Variants in RAPGEF2 observed in about 807,000 individuals in gnomAD.
RAPGEF2 encodes Rap guanine nucleotide exchange factor 2, also known as PDZ domain containing guanine nucleotide exchange factor (GEF) 1.
In RAPGEF2, 54 loss-of-function variants were observed where a neutral mutation model predicts 186.7. The ratio of observed to expected loss-of-function variants is 0.29; its 90% CI spans 0.23 to 0.36. The LOEUF (loss-of-function observed/expected upper bound fraction) is 0.36, where lower values mean the gene tolerates loss of function less well. Among genes scored for constraint, RAPGEF2 ranks in the 10% least tolerant of loss-of-function variants. The pLI, the probability that RAPGEF2 is intolerant of heterozygous loss-of-function variation, is 1.00. For synonymous variants in RAPGEF2, 712 were observed against 705.9 expected (o/e 1.01, Z -0.14); for missense variants, 1,532 against 2,045.0 (o/e 0.75, Z 4.84).
intron 7 of RAPGEF2, among the ~76,000 whole-genome samples, chr4:159,303,564 C>G (rs1047990839): frequency 6.6e-6 from 1 of 151,476 alleles, no homozygotes; most frequent in African/African-American, 2.4e-5. Context: ...AACCTTACAT[C>G]TGTTTTCTTA....
intron 1 of RAPGEF2, among the ~76,000 whole-genome samples, chr4:159,173,692 A>C (rs1267347726): frequency 6.6e-6 from 1 of 152,144 alleles, no homozygotes; most frequent in African/African-American, 2.4e-5. Flanking sequence ...TAGTTCAGGA[A>C]TCATTTTATT....
At chr4:159,277,197 G>A (rs1759022284) in intron 7 of RAPGEF2, among the ~76,000 whole-genome samples, 1 of 151,788 alleles carries the variant, frequency 6.6e-6, no homozygotes, top group Non-Finnish European at 1.5e-5. Context: ...CCTTGTGATA[G>A]TTTGCTGAGA....
At chr4:159,104,553 A>AGAGAGTGTGTGT (rs1553991869) in intron 1 of RAPGEF2, among the ~76,000 whole-genome samples, 1 of 136,028 alleles carries the variant, frequency 7.4e-6, no homozygotes, top group African/African-American at 2.9e-5. Context: ...AGAGAGAGAG[A>AGAGAGTGTGTGT]GTGTGTGTGT....
intron 7 of RAPGEF2, among the ~76,000 whole-genome samples, chr4:159,287,277 TATGTC>T (rs1183886864): frequency 1.3e-5 from 2 of 152,274 alleles, no homozygotes; most frequent in South Asian, 2.1e-4. Context: ...TTGCTATTGT[TATGTC>T]ATGTGATTCT....
chr4:159,279,899 C>T (rs1432479685), intron 7 of RAPGEF2, among the ~76,000 whole-genome samples: 1 of 151,846 alleles, frequency 6.6e-6, no homozygotes, highest in Admixed American at 6.6e-5. Flanking sequence ...GGCCAGGCTG[C>T]TCTCTTAACT....
intron 28 of RAPGEF2, among the ~76,000 whole-genome samples, chr4:159,355,220 G>C (rs1303197025): frequency 1.3e-5 from 2 of 152,124 alleles, no homozygotes; most frequent in Non-Finnish European, 2.9e-5. Context: ...TCATATTCTA[G>C]GTCATGAGCA....
At chr4:159,268,007 A>C in intron 7 of RAPGEF2, 1 of 1,439,772 alleles carries the variant, frequency 6.9e-7, no homozygotes, top group Non-Finnish European at 9.1e-7. Flanking sequence ...TAAGCTTACC[A>C]GTAGTGACAC....
chr4:159,294,695 C>T (rs1423596656), intron 7 of RAPGEF2, among the ~76,000 whole-genome samples: 8 of 146,822 alleles, frequency 5.4e-5, no homozygotes, highest in Admixed American at 1.4e-4. Flanking sequence ...TCCTTCTTTC[C>T]GTCCGTCTGT....
intron 8 of RAPGEF2, among the ~76,000 whole-genome samples, chr4:159,309,281 T>C (rs1467451114): frequency 6.6e-6 from 1 of 152,188 alleles, no homozygotes; most frequent in African/African-American, 2.4e-5. Context: ...TTTGATTCCT[T>C]TCCTGCCTAA....
chr4:159,345,487 T>G (rs1229915362), intron 24 of RAPGEF2, among the ~76,000 whole-genome samples, 158 bp downstream of exon 24: 1 of 152,196 alleles, frequency 6.6e-6, no homozygotes, highest in African/African-American at 2.4e-5. Context: ...TATTTAATAC[T>G]GGGTAGCACT....
chr4:159,233,117 G>T (rs1021393407), intron 4 of RAPGEF2, among the ~76,000 whole-genome samples: 6 of 152,166 alleles, frequency 3.9e-5, no homozygotes, highest in Non-Finnish European at 7.4e-5. Flanking sequence ...TGCCTTTTCA[G>T]TTAATTGATA....
chr4:159,173,957 G>A (rs1428429713), intron 1 of RAPGEF2, among the ~76,000 whole-genome samples: 2 of 152,144 alleles, frequency 1.3e-5, no homozygotes, highest in African/African-American at 2.4e-5. Context: ...TATTTTTGCT[G>A]CCTAAGAGAT....
At chr4:159,217,704 C>T (rs752971884) in intron 4 of RAPGEF2, among the ~76,000 whole-genome samples, 6 of 152,166 alleles carry the variant, frequency 3.9e-5, no homozygotes, top group Non-Finnish European at 8.8e-5. Flanking sequence ...AATGGCAGTT[C>T]TATTTTTATT....
Position 159,256,834 on chromosome 4 carries a change from A to C in RAPGEF2, c.543+13043A>C, listed in dbSNP as rs560201938. Among the ~76,000 whole-genome samples, 8 of 151,922 alleles carry C rather than the reference A, an allele frequency of 5.3e-5. No homozygotes were observed. In the South Asian group the frequency reaches 1.7e-3, roughly 32 times the overall value. ...TTTTTTCATGTTTGTTGGCTGCATG[A>C]GTGTCTTTTGAGAAGTGTCTGTTCA... On this transcript the variant is annotated intron_variant, in intron 7 of 29. Transcript: ENST00000691494.
chr4:159,146,215 AAG>A (rs1183166417), intron 1 of RAPGEF2, among the ~76,000 whole-genome samples: 4 of 152,174 alleles, frequency 2.6e-5, no homozygotes, highest in African/African-American at 4.8e-5. Flanking sequence ...GAGAATGACT[AAG>A]AGGGATGAGA....
At chr4:159,106,565 T>TA (rs938856993) in intron 1 of RAPGEF2, among the ~76,000 whole-genome samples, 1 of 152,232 alleles carries the variant, frequency 6.6e-6, no homozygotes, top group African/African-American at 2.4e-5. Flanking sequence ...ATAAGCTTGA[T>TA]ATCATGAACA....
intron 2 of RAPGEF2, 97 bp from the exon 3 acceptor site, chr4:159,193,103 A>T: frequency 3.7e-6 from 2 of 534,538 alleles, no homozygotes; most frequent in Non-Finnish European, 5.8e-6. Flanking sequence ...ATATAAAATA[A>T]TCAATTTTCT....
chr4:159,133,478 C>T (rs1168373767), intron 1 of RAPGEF2, among the ~76,000 whole-genome samples: 3 of 150,792 alleles, frequency 2.0e-5, no homozygotes, highest in African/African-American at 7.3e-5. Flanking sequence ...GTGGTGCGAT[C>T]TCAGCTCACT....
In RAPGEF2 at chr4:159,332,013, A is replaced by T. The variant is rs1259098202; in HGVS notation, c.1867A>T (p.Thr623Ser). 3.1e-6 allele frequency: 5 copies of T among 1,593,528 alleles called. No homozygotes were observed. Among genetic ancestry groups the T allele is most frequent in the Non-Finnish European group, 4.3e-6 (5 of 1,169,804 alleles). ...TAGAAATAACACACATTTATCTATCACTGTGAAAACCAATTTATTTGGTAA... is the reference window on the plus strand; with the variant it reads ...TAGAAATAACACACATTTATCTATCTCTGTGAAAACCAATTTATTTGGTAA... ...ILRNNTHLSI[T>S]VKTNLFVFKE... The change falls in exon 16 of 30, where the codon ACT (threonine) becomes TCT (serine). Residue 623 changes from threonine (T) to serine (S), a missense_variant. Transcript: ENST00000691494.
Sources: allele counts gnomAD v4.1 joint callset (sites outside exome capture counted in the v4.1 genomes callset), GRCh38; gene constraint gnomAD v4.1.1; transcripts MANE v1.5; gene names NCBI Gene and HGNC (gene_info 2026-07-23, HGNC 2026-07-21).